HEATR5A: variants seen among roughly 807,000 people sequenced by gnomAD.
HEATR5A encodes HEAT repeat-containing protein 5A.
HEATR5A carries 178 observed loss-of-function variants against 218.8 expected under a neutral mutation model. That is an observed-to-expected ratio of 0.81 (90% CI 0.72 to 0.92). The LOEUF is 0.92. HEATR5A is among the 40% of genes least tolerant of loss of function. The pLI is 0.00. For synonymous variants in HEATR5A, 864 were observed against 871.6 expected, an observed-to-expected ratio of 0.99 and a Z score of 0.15; for missense variants, 2,420 against 2,418.9, an observed-to-expected ratio of 1.00 and a Z score of -0.01.
chr14:31,292,112 C>CT lies in HEATR5A; in HGVS notation c.*1192dup, dbSNP rs1196261931. Reference sequence around the variant, plus strand: ...CAACCAATATGACTTTATCATTAATCTTTTTTCTATAATAAAATGTTTCCT... The same window carrying CT: ...CAACCAATATGACTTTATCATTAATCTTTTTTTCTATAATAAAATGTTTCCT... On this transcript the variant is annotated 3_prime_UTR_variant, in exon 36 of 36. Transcript: ENST00000543095. 6.6e-6 allele frequency: 1 copy of CT among 152,092 alleles called. No homozygotes were observed. Among genetic ancestry groups the CT allele is most frequent in the African/African-American group, 2.4e-5 (1 of 41,426 alleles). 9.4% of individuals were successfully genotyped at this position (152,092 alleles called of 1,614,324 possible).
rs766110155 is a variant in HEATR5A at position 31,318,415 on chromosome 14, T to G, written c.3970-123A>C. On this transcript the variant is annotated intron_variant, in intron 25 of 35. Coordinates refer to ENST00000543095, the MANE Select transcript of HEATR5A (RefSeq NM_015473.4). ...GGTATTATGGACAGCTGTTGTTTTG[T>G]CTACCCAGTGTATCTTCCCCTGTTT... 23 of 750,200 alleles carry G rather than the reference T, an allele frequency of 3.1e-5. No individual in the cohort carries two copies. The African/African-American group carries it at 3.9e-4, about 13-fold the overall frequency. The allele number at this position is 750,200 out of a possible 1,614,324, so 46.5% of individuals were successfully genotyped here. A position where few individuals can be genotyped will look rare whatever the true frequency, so the allele number is the denominator to read the frequency against.
chr14:31,400,115 T>G (rs2030816378), intron 3 of HEATR5A, among the ~76,000 whole-genome samples, 186 bp downstream of exon 3: 1 of 152,186 alleles, frequency 6.6e-6, no homozygotes, highest in African/African-American at 2.4e-5. Context: ...TCTAAAGTAT[T>G]TGTAGAATTG....
chr14:31,332,314 G>A (rs1829288029), intron 22 of HEATR5A, among the ~76,000 whole-genome samples: 2 of 152,160 alleles, frequency 1.3e-5, no homozygotes, highest in South Asian at 4.1e-4. Context: ...AGTGTGTTCT[G>A]ACTGCTCCAA....
At position 31,347,814 on chromosome 14, in the gene HEATR5A, T is replaced by C. The variant is rs1356453332; in HGVS notation, c.2802A>G (p.Gln934=). The C allele has an allele frequency of 6.2e-7, 1 of 1,610,024 alleles. No homozygotes were observed. The highest frequency in any genetic ancestry group is 2.2e-5 in the East Asian group (1 of 44,790). Residue 934 remains glutamine (Q), a synonymous_variant, in exon 19 of 36, where the codon CAA becomes CAG. Transcript: ENST00000543095. ...HRYLGGISSS[Q]HLNSCIGILY... ...GGATTCCAATACAAGAATTTAGGTG[T>C]TGAGAAGAACTTATTCCTCCTAAAT...
At chr14:31,420,047 G>A (rs536418475) in intron 1 of HEATR5A, 2 of 152,352 alleles carry the variant, frequency 1.3e-5, no homozygotes, top group East Asian at 1.9e-4. Context: ...ACGCCGCAGG[G>A]CGGGTCCCGG....
At chr14:31,358,842 T>TA (rs1358864069) in intron 15 of HEATR5A, 30 bp from the exon 16 acceptor site, 1 of 1,609,950 alleles carries the variant, frequency 6.2e-7, no homozygotes, top group African/African-American at 1.3e-5. Context: ...TATAAGGTTT[T>TA]AAAATCACTG....
intron 27 of HEATR5A, among the ~76,000 whole-genome samples, chr14:31,314,411 G>A (rs1303443368): frequency 6.6e-6 from 1 of 151,226 alleles, no homozygotes; most frequent in African/African-American, 2.4e-5. Flanking sequence ...ATGCCACCAC[G>A]CCTGGCTAAT....
chr14:31,417,036 ACT>A (rs2031474084), intron 1 of HEATR5A, among the ~76,000 whole-genome samples: 1 of 151,998 alleles, frequency 6.6e-6, no homozygotes, highest in African/African-American at 2.4e-5. Context: ...CACTCCAATG[ACT>A]CTGTCTCAAA....
At chr14:31,304,180 G>A (rs1000071081) in intron 32 of HEATR5A, among the ~76,000 whole-genome samples, 13 of 152,166 alleles carry the variant, frequency 8.5e-5, no homozygotes, top group Non-Finnish European at 1.9e-4. Flanking sequence ...CTGCACTCCG[G>A]CCTAGGTGAC....
intron 31 of HEATR5A, 36 bp from the exon 32 acceptor site, chr14:31,305,213 G>C (rs1242983256): frequency 1.9e-6 from 3 of 1,590,504 alleles, no homozygotes; most frequent in Admixed American, 1.9e-5. Context: ...CTTTGTGCTT[G>C]CTCTGCTTCT....
rs546337122 is a variant in HEATR5A at position 31,354,277 on chromosome 14, C to T, written c.2412-3560G>A. On this transcript the variant is annotated intron_variant, in intron 16 of 35. Coordinates refer to ENST00000543095, the MANE Select transcript of HEATR5A (RefSeq NM_015473.4). The stretch of plus-strand genomic sequence containing the variant: ...TACATCTGTTATCATGAAATTGTAT[C>T]GCACTGGAAGTTATAAAAATACGTA... Among the ~76,000 whole-genome samples, 9 of 152,220 alleles carry T rather than the reference C, an allele frequency of 5.9e-5. No homozygotes were observed. In the East Asian group the frequency reaches 1.3e-3, roughly 23 times the overall value.
chr14:31,363,863 C>T (rs1002216039), intron 14 of HEATR5A, among the ~76,000 whole-genome samples: 4 of 151,968 alleles, frequency 2.6e-5, no homozygotes, highest in African/African-American at 9.7e-5. Flanking sequence ...GCCTGTAGTT[C>T]CAGCTACCCA....
At chr14:31,364,326 A>T (rs1279385088) in intron 13 of HEATR5A, 28 bp from the exon 14 acceptor site, 4 of 1,148,112 alleles carry the variant, frequency 3.5e-6, no homozygotes, top group Non-Finnish European at 5.0e-6. Flanking sequence ...AGTGTATCTT[A>T]AGTGGTTAAG....
At chr14:31,385,887 C>A (rs1279265217) in intron 9 of HEATR5A, among the ~76,000 whole-genome samples, 2 of 151,976 alleles carry the variant, frequency 1.3e-5, no homozygotes, top group East Asian at 3.9e-4. Context: ...GCCACCATGA[C>A]GGGCTAATTT....
intron 10 of HEATR5A, among the ~76,000 whole-genome samples, 160 bp from the exon 11 acceptor site, chr14:31,380,738 A>T (rs1185889136): frequency 2.6e-5 from 4 of 152,266 alleles, no homozygotes; most frequent in Non-Finnish European, 4.4e-5. Flanking sequence ...ACTGTCATAA[A>T]GGAAACTATA....
At position 31,305,101 on chromosome 14, in the gene HEATR5A, T is replaced by A. The variant is rs1384733667; in HGVS notation, c.5043A>T (p.Gly1681=). The change falls in exon 32 of 36, where the codon GGA becomes GGT. Residue 1681 remains glycine (G), a synonymous_variant. Coordinates refer to ENST00000543095, the MANE Select transcript of HEATR5A (RefSeq NM_015473.4). ...EGKDTGGLVP[G]KSLVFATLEL... ...CCAGTGTTGCAAAGACCAAAGACTT[T>A]CCAGGCACAAGTCCTCCGGTGTCCT... 9 of 1,613,990 alleles carry A rather than the reference T, an allele frequency of 5.6e-6. No individual in the cohort carries two copies. The South Asian group carries it at 9.9e-5, about 18-fold the overall frequency.
intron 23 of HEATR5A, among the ~76,000 whole-genome samples, chr14:31,325,484 A>ATGTATGTATG (rs1900236017): frequency 7.0e-6 from 1 of 142,172 alleles, no homozygotes; most frequent in African/African-American, 3.0e-5. Context: ...ATGTATGAAC[A>ATGTATGTATG]TATGTATGTA....
intron 6 of HEATR5A, among the ~76,000 whole-genome samples, chr14:31,390,726 A>C (rs888861572): frequency 6.6e-6 from 1 of 152,190 alleles, no homozygotes; most frequent in Non-Finnish European, 1.5e-5. Flanking sequence ...ACCCTACTAC[A>C]CTGCCAGTCA....
rs751327807 is a variant in HEATR5A at position 31,383,629 on chromosome 14, A to G, written c.1488T>C (p.Thr496=). ...CTGCTTCAGGTGAAGACTTATGTCC[A>G]GTAAGCCGTTCAAGGCAACGATCCA... ...PLLDRCLERL[T]GHKSSPEAVT... The change falls in exon 10 of 36, where the codon ACT becomes ACC. Residue 496 remains threonine, a synonymous_variant. Coordinates refer to ENST00000543095, the MANE Select transcript of HEATR5A (RefSeq NM_015473.4). 4.0e-5 allele frequency: 65 copies of G among 1,613,930 alleles called. No homozygotes were observed. Among genetic ancestry groups the G allele is most frequent in the Non-Finnish European group, 5.4e-5 (64 of 1,179,896 alleles).
Sources: allele counts gnomAD v4.1 joint callset (sites outside exome capture counted in the v4.1 genomes callset), GRCh38; gene constraint gnomAD v4.1.1; transcripts MANE v1.5; gene names NCBI Gene and HGNC (gene_info 2026-07-23, HGNC 2026-07-21).